Variants in FGF14 observed in about 807,000 individuals in gnomAD.
FGF14 encodes the protein fibroblast growth factor 14.
In FGF14, 5 loss-of-function variants were observed where a neutral mutation model predicts 25.5. The ratio of observed to expected loss-of-function variants is 0.20; its 90% CI spans 0.10 to 0.41. FGF14 has a LOEUF of 0.41. FGF14 is among the 10% of genes least tolerant of loss of function. FGF14 has a pLI of 1.00. For synonymous variants in FGF14, 138 were observed against 118.3 expected, an observed-to-expected ratio of 1.17 and a Z score of -1.08; for missense variants, 222 against 320.1, an observed-to-expected ratio of 0.69 and a Z score of 2.34.
At chr13:101,924,315 T>C (rs2034213320) in intron 1 of FGF14, among the ~76,000 whole-genome samples, 1 of 152,204 alleles carries the variant, frequency 6.6e-6, no homozygotes, top group Non-Finnish European at 1.5e-5. Flanking sequence ...AAGATTATGT[T>C]CTTTGCATTT....
At chr13:102,294,261 A>G (rs565603080) in intron 1 of FGF14, among the ~76,000 whole-genome samples, 4 of 152,316 alleles carry the variant, frequency 2.6e-5, no homozygotes, top group Admixed American at 2.0e-4. Flanking sequence ...ACTTTTTAAC[A>G]ACTAATTTTC....
chr13:101,893,275 T>C (rs1194765633), intron 1 of FGF14, among the ~76,000 whole-genome samples: 1 of 152,230 alleles, frequency 6.6e-6, no homozygotes, highest in Non-Finnish European at 1.5e-5. Flanking sequence ...GGCAGGTTTT[T>C]CCTGCTCCTG....
chr13:102,369,995 ATCT>A (rs1037861413), intron 1 of FGF14, among the ~76,000 whole-genome samples: 4 of 151,016 alleles, frequency 2.6e-5, no homozygotes, highest in African/African-American at 9.7e-5. Context: ...AATAGAATAA[ATCT>A]TTTTTTTTTT....
intron 3 of FGF14, among the ~76,000 whole-genome samples, chr13:101,766,858 G>C (rs2038436643): frequency 6.6e-6 from 1 of 152,128 alleles, no homozygotes; most frequent in South Asian, 2.1e-4. Context: ...GCCAAGGAAT[G>C]CCAGGCACCT....
At chr13:101,807,193 T>C (rs983579738) in intron 3 of FGF14, among the ~76,000 whole-genome samples, 1 of 152,110 alleles carries the variant, frequency 6.6e-6, no homozygotes, top group African/African-American at 2.4e-5. Context: ...GAGCATAAAT[T>C]ATATTTTTTT....
At chr13:101,737,877 A>T (rs1436007701) in intron 3 of FGF14, among the ~76,000 whole-genome samples, 1 of 152,162 alleles carries the variant, frequency 6.6e-6, no homozygotes, top group African/African-American at 2.4e-5. Context: ...TTTCCTAATA[A>T]GAATGTACCC....
intron 1 of FGF14, among the ~76,000 whole-genome samples, chr13:102,073,260 T>A (rs2043223220): frequency 6.6e-6 from 1 of 151,980 alleles, no homozygotes; most frequent in Non-Finnish European, 1.5e-5. Context: ...TCAAAAAAAT[T>A]AATAAATAAA....
intron 1 of FGF14, among the ~76,000 whole-genome samples, chr13:102,249,627 C>A (rs1034813491): frequency 1.3e-5 from 2 of 151,990 alleles, no homozygotes; most frequent in Non-Finnish European, 2.9e-5. Flanking sequence ...CTGTTATCTT[C>A]TGTGTTGAAA....
intron 1 of FGF14, among the ~76,000 whole-genome samples, chr13:102,122,806 A>G (rs1012684265): frequency 6.6e-6 from 1 of 152,188 alleles, no homozygotes; most frequent in Non-Finnish European, 1.5e-5. Flanking sequence ...AATACTTCAT[A>G]TTTATTAAAG....
At chr13:102,398,827 A>G (rs1178277482) in intron 1 of FGF14, among the ~76,000 whole-genome samples, 1 of 150,342 alleles carries the variant, frequency 6.7e-6, no homozygotes, top group Non-Finnish European at 1.5e-5. Flanking sequence ...AACTTTTAGA[A>G]GGTAAGATAA....
chr13:101,768,770 A>C (rs1193176951), intron 3 of FGF14, among the ~76,000 whole-genome samples: 1 of 152,204 alleles, frequency 6.6e-6, no homozygotes, highest in Non-Finnish European at 1.5e-5. Context: ...GTCCACATGC[A>C]AAACATAAAT....
At chr13:102,240,817 C>T (rs952340978) in intron 1 of FGF14, among the ~76,000 whole-genome samples, 18 of 151,844 alleles carry the variant, frequency 1.2e-4, no homozygotes, top group Admixed American at 1.3e-4. Flanking sequence ...ATGGAATAAA[C>T]AAAATTAGGA....
chr13:102,274,552 C>G (rs1195828686), intron 1 of FGF14, among the ~76,000 whole-genome samples: 1 of 152,054 alleles, frequency 6.6e-6, no homozygotes, highest in Non-Finnish European at 1.5e-5. Flanking sequence ...GATGAATAAA[C>G]AAGAAGAATG....
intron 1 of FGF14, among the ~76,000 whole-genome samples, chr13:102,112,410 C>T (rs972441052): frequency 3.3e-5 from 5 of 152,130 alleles, no homozygotes; most frequent in Admixed American, 1.3e-4. Context: ...GTTTAAAATC[C>T]GAGTCACTTC....
intron 1 of FGF14, among the ~76,000 whole-genome samples, chr13:102,221,067 C>A (rs1436996618): frequency 6.6e-6 from 1 of 152,190 alleles, no homozygotes; most frequent in Non-Finnish European, 1.5e-5. Context: ...AGCGGACATA[C>A]AACAGATTCT....
intron 1 of FGF14, among the ~76,000 whole-genome samples, chr13:102,369,693 T>C (rs761343958): frequency 1.3e-5 from 2 of 152,172 alleles, no homozygotes; most frequent in African/African-American, 2.4e-5. Flanking sequence ...AATACACCCA[T>C]GTAAAACTCG....
At chr13:102,232,512 T>C (rs1384814439) in intron 1 of FGF14, among the ~76,000 whole-genome samples, 1 of 152,200 alleles carries the variant, frequency 6.6e-6, no homozygotes, top group Admixed American at 6.5e-5. Flanking sequence ...TTTGCAAATA[T>C]CAGTCTGAAC....
At chr13:101,926,194 C>T (rs996236829) in intron 1 of FGF14, among the ~76,000 whole-genome samples, 13 of 152,200 alleles carry the variant, frequency 8.5e-5, no homozygotes, top group African/African-American at 3.1e-4. Flanking sequence ...TCTACCACAC[C>T]TACCCTGTAT....
chr13:102,300,938 T>TACACACAC (rs3066020), intron 1 of FGF14, among the ~76,000 whole-genome samples: 1 of 76,876 alleles, frequency 1.3e-5, no homozygotes, highest in Non-Finnish European at 2.9e-5. Flanking sequence ...CACACACACA[T>TACACACAC]ACACACACAC....
Sources: allele counts gnomAD v4.1 joint callset (sites outside exome capture counted in the v4.1 genomes callset), GRCh38; gene constraint gnomAD v4.1.1; transcripts MANE v1.5; gene names NCBI Gene and HGNC (gene_info 2026-07-23, HGNC 2026-07-21).